PUM3: variants seen among roughly 807,000 people sequenced by gnomAD.
PUM3 encodes pumilio homolog 3.
In PUM3, 91 loss-of-function variants were observed where a neutral mutation model predicts 84.0. The ratio of observed to expected loss-of-function variants is 1.08; its 90% confidence interval spans 0.91 to 1.29. The LOEUF is 1.29. Ranked by LOEUF, PUM3 falls within the 50% of genes most tolerant of loss-of-function variation. The pLI, the probability that PUM3 is intolerant of heterozygous loss-of-function variation, is 0.00. For missense variants in PUM3, 1,067 were observed against 767.5 expected (o/e 1.39, Z -4.61); for synonymous variants, 321 against 266.7 (o/e 1.20, Z -1.98).
At chr9:2,809,065 G>A (rs952801203) in intron 16 of PUM3, among the ~76,000 whole-genome samples, 2 of 152,120 alleles carry the variant, frequency 1.3e-5, no homozygotes, top group Non-Finnish European at 2.9e-5. Context: ...TGAGCTAAGC[G>A]AAAAGTGGAC....
At chr9:2,810,054 T>G (rs1485752764) in intron 16 of PUM3, among the ~76,000 whole-genome samples, 2 of 129,292 alleles carry the variant, frequency 1.5e-5, no homozygotes, top group East Asian at 2.3e-4. Flanking sequence ...CAAGCCAGGT[T>G]AGAAGCCTGC....
At position 2,831,212 on chromosome 9, in the gene PUM3, T is replaced by C. The variant is rs1269093022; in HGVS notation, c.610+39A>G. 21 of 1,371,272 alleles carry C rather than the reference T, an allele frequency of 1.5e-5. 1 individual carries two copies. Among genetic ancestry groups the C allele is most frequent in the East Asian group, 4.6e-5 (2 of 43,720 alleles). The allele number at this position is 1,371,272 out of a possible 1,614,324, so 84.9% of individuals were successfully genotyped here. A position where few individuals can be genotyped will look rare whatever the true frequency, so the allele number is the denominator to read the frequency against. On this transcript the variant is annotated intron_variant, in intron 6 of 17. Transcript: ENST00000397885. ...ATTTTAAGAGAAAACAAGTGACTTA[T>C]TGCAAATGATAACATAATCTTTAGT...
At chr9:2,808,376 C>G (rs1157863405) in intron 16 of PUM3, among the ~76,000 whole-genome samples, 1 of 152,196 alleles carries the variant, frequency 6.6e-6, no homozygotes, top group Non-Finnish European at 1.5e-5. Flanking sequence ...AATGACTGTT[C>G]TAGCTTAAAC....
intron 1 of PUM3, among the ~76,000 whole-genome samples, chr9:2,839,408 G>A (rs550763294): frequency 3.3e-5 from 5 of 152,214 alleles, no homozygotes; most frequent in African/African-American, 9.6e-5. Flanking sequence ...ATTACCATAA[G>A]AGAAAAGAAG....
chr9:2,804,699 C>T (rs1338354450), intron 17 of PUM3, among the ~76,000 whole-genome samples: 3 of 152,146 alleles, frequency 2.0e-5, no homozygotes, highest in Non-Finnish European at 4.4e-5. Context: ...TTTGTAGGAC[C>T]AACATCATTC....
chr9:2,806,555 C>G (rs747570370), intron 17 of PUM3, among the ~76,000 whole-genome samples: 29 of 152,178 alleles, frequency 1.9e-4, no homozygotes, highest in Admixed American at 1.3e-4. Context: ...ACCTTAATAA[C>G]ACAGCAGGGG....
chr9:2,839,601 C>G (rs776407082), intron 1 of PUM3, among the ~76,000 whole-genome samples: 1 of 152,188 alleles, frequency 6.6e-6, no homozygotes, highest in Non-Finnish European at 1.5e-5. Flanking sequence ...CATAAGGGAA[C>G]AGCAGACTTC....
intron 1 of PUM3, among the ~76,000 whole-genome samples, chr9:2,840,855 A>C (rs1324877126): frequency 6.6e-6 from 1 of 152,172 alleles, no homozygotes; most frequent in Non-Finnish European, 1.5e-5. Flanking sequence ...GGTTCCTTTC[A>C]TTGAGAATGG....
chr9:2,809,904 G>C (rs1409939012), intron 16 of PUM3, among the ~76,000 whole-genome samples: 1 of 152,056 alleles, frequency 6.6e-6, no homozygotes, highest in Non-Finnish European at 1.5e-5. Context: ...TCTCTTACGA[G>C]GATAATCTTC....
intron 16 of PUM3, among the ~76,000 whole-genome samples, chr9:2,808,359 G>A (rs1003005400): frequency 1.5e-4 from 23 of 152,316 alleles, no homozygotes; most frequent in African/African-American, 3.4e-4. Context: ...TTCAACAGTG[G>A]TTGATAAATG....
At chr9:2,831,407 T>G in intron 5 of PUM3, 63 bp from the exon 6 acceptor site, 3 of 1,013,030 alleles carry the variant, frequency 3.0e-6, no homozygotes, top group Non-Finnish European at 4.6e-6. Context: ...CACTAATTTA[T>G]TGTGACCTCT....
chr9:2,827,142 C>G lies in PUM3; in HGVS notation c.966G>C (p.Val322=). 3 of 1,607,058 alleles carry G rather than the reference C, an allele frequency of 1.9e-6. No individual in the cohort carries two copies. The highest frequency in any genetic ancestry group is 2.5e-6 in the Non-Finnish European group (3 of 1,177,218). The change falls in exon 10 of 18, where the codon GTG becomes GTC. Residue 322 remains valine (V), a synonymous_variant. Coordinates refer to ENST00000397885, the MANE Select transcript of PUM3 (RefSeq NM_014878.5). ...ILTPMAQKEA[V]IKHSLVHKVF... Reference sequence around the variant, plus strand: ...CTTTATGCACCAATGAGTGCTTAATCACAGCTTCCCTGAAAACAGAAAAAA... The same window carrying G: ...CTTTATGCACCAATGAGTGCTTAATGACAGCTTCCCTGAAAACAGAAAAAA...
Position 2,831,363 on chromosome 9 carries a change from G to A in PUM3, c.517-19C>T. 6.8e-7 allele frequency: 1 copy of A among 1,477,858 alleles called. No individual in the cohort carries two copies. Among genetic ancestry groups the A allele is most frequent in the East Asian group, 2.3e-5 (1 of 44,038 alleles). The allele number at this position is 1,477,858 out of a possible 1,614,324, so 91.5% of individuals were successfully genotyped here. A position where few individuals can be genotyped will look rare whatever the true frequency, so the allele number is the denominator to read the frequency against. On this transcript the variant is annotated intron_variant, in intron 5 of 17. Transcript: ENST00000397885. ...ATGCAATCTGCAGGAAAAAGTTTGA[G>A]TTAGACTAATTCTCTTTTGAGACTT...
At position 2,820,047 on chromosome 9, in the gene PUM3, T is replaced by G; in HGVS notation, c.1240A>C (p.Thr414Pro). Residue 414 changes from threonine to proline, a missense_variant, in exon 13 of 18, where the codon ACT becomes CCT. By Grantham distance (38) the Thr-to-Pro change is conservative. Coordinates refer to ENST00000397885, the MANE Select transcript of PUM3 (RefSeq NM_014878.5). ...LLAAFDCIDD[T>P]KLVKQIIISE... ...ATGATTATCTGCTTCACAAGCTTAG[T>G]ATCATCAATACAATCAAATGCCGCC... is the stretch of plus-strand genomic sequence containing the variant. The G allele has an allele frequency of 6.2e-7, 1 of 1,612,082 alleles. No individual in the cohort carries two copies. The highest frequency in any genetic ancestry group is 8.5e-7 in the Non-Finnish European group (1 of 1,178,394).
At chr9:2,827,469 G>A (rs1166963671) in intron 9 of PUM3, among the ~76,000 whole-genome samples, 1 of 152,048 alleles carries the variant, frequency 6.6e-6, no homozygotes, top group Non-Finnish European at 1.5e-5. Context: ...CCCCAGCACT[G>A]GACATAATGA....
chr9:2,824,845 C>T, intron 10 of PUM3, 30 bp from the exon 11 acceptor site: 1 of 1,420,556 alleles, frequency 7.0e-7, no homozygotes, highest in South Asian at 1.4e-5. Flanking sequence ...AGGAACAGGG[C>T]TCTGCTTTAT....
intron 1 of PUM3, among the ~76,000 whole-genome samples, chr9:2,841,536 C>G (rs112013087): frequency 0.026 from 4,034 of 152,240 alleles, 194 homozygotes; most frequent in African/African-American, 0.092. Flanking sequence ...CCACTACACT[C>G]CAGCCTGGGC....
Position 2,804,478 on chromosome 9 carries a change from A to G in PUM3, c.1815-15T>C. On this transcript the variant is annotated splice_polypyrimidine_tract_variant and intron_variant, in intron 17 of 17. Transcript: ENST00000397885. ...TCTGGAGGAGGCTGAAGAGAGGAAAAAAATTAAATTTCATAAGCATTCCTA... is the reference window on the plus strand; with the variant it reads ...TCTGGAGGAGGCTGAAGAGAGGAAAGAAATTAAATTTCATAAGCATTCCTA... 1 of 1,604,780 alleles carries G rather than the reference A, an allele frequency of 6.2e-7. No homozygotes were observed. Among genetic ancestry groups the G allele is most frequent in the Non-Finnish European group, 8.5e-7 (1 of 1,176,954 alleles).
intron 9 of PUM3, among the ~76,000 whole-genome samples, chr9:2,827,752 T>C (rs10757715): frequency 0.41 from 62,624 of 152,090 alleles, 14,456 homozygotes; most frequent in South Asian, 0.54. Context: ...ACACTGCCTT[T>C]ATGGGCAAAG....
Sources: gnomAD v4.1 joint callset for allele counts (sites outside exome capture counted in the v4.1 genomes callset) on GRCh38, gnomAD v4.1.1 for gene constraint, MANE v1.5 for transcripts, NCBI Gene and HGNC (gene_info 2026-07-23, HGNC 2026-07-21) for gene names.